SLC39A11: variants seen among roughly 807,000 people sequenced by gnomAD.
The protein encoded by SLC39A11 is solute carrier family 39 member 11, also known as zinc transporter ZIP11.
Under a neutral mutation model 36.1 loss-of-function variants are expected in SLC39A11, and 33 were observed. The ratio of observed to expected loss-of-function variants is 0.91; its 90% confidence interval spans 0.69 to 1.22. The LOEUF is 1.22. SLC39A11 is among the 50% of genes most tolerant of loss of function. The pLI is 0.00. For synonymous variants in SLC39A11, 166 were observed against 170.3 expected (o/e 0.97, Z 0.20); for missense variants, 432 against 430.3 (o/e 1.00, Z -0.03).
chr17:72,864,337 C>G (rs138714314), intron 5 of SLC39A11, among the ~76,000 whole-genome samples: 2 of 150,340 alleles, frequency 1.3e-5, no homozygotes, highest in Non-Finnish European at 3.0e-5. Context: ...CCTAGCAACC[C>G]GGGGAATTCT....
chr17:72,682,424 T>C (rs1345843117), intron 7 of SLC39A11, among the ~76,000 whole-genome samples: 2 of 151,988 alleles, frequency 1.3e-5, no homozygotes, highest in African/African-American at 2.4e-5. Flanking sequence ...ATGCTATTGG[T>C]AAGGCTTCTG....
At chr17:73,011,499 C>G (rs144687743) in intron 4 of SLC39A11, among the ~76,000 whole-genome samples, 51 of 152,122 alleles carry the variant, frequency 3.4e-4, no homozygotes, top group African/African-American at 1.2e-3. Flanking sequence ...TGATCTGGAG[C>G]GGGGAGACGA....
intron 6 of SLC39A11, among the ~76,000 whole-genome samples, chr17:72,764,244 G>T (rs1383147850): frequency 2.0e-5 from 3 of 152,106 alleles, no homozygotes; most frequent in Non-Finnish European, 4.4e-5. Flanking sequence ...CTGACCTTTG[G>T]GGAGGTGGGA....
rs757763992 is a variant in SLC39A11, at chr17:72,648,784, G to A, written c.929+19C>T. 2 of 1,614,042 alleles carry A rather than the reference G, an allele frequency of 1.2e-6. No individual in the cohort carries two copies. Among genetic ancestry groups the A allele is most frequent in the South Asian group, 2.2e-5 (2 of 91,072 alleles). Reference sequence around the variant, plus strand: ...CTGGGACTGGGACAGGGACAGACAGGGAGGGAAGGTTCTCCAACCTGATCT... The same window carrying A: ...CTGGGACTGGGACAGGGACAGACAGAGAGGGAAGGTTCTCCAACCTGATCT... On this transcript the variant is annotated intron_variant, in intron 9 of 9. Coordinates refer to ENST00000255559, the MANE Select transcript of SLC39A11 (RefSeq NM_139177.4).
rs2059349413 is a variant in SLC39A11 at position 73,047,903 on chromosome 17, G to A, written c.148-16189C>T. On this transcript the variant is annotated intron_variant, in intron 3 of 9. Transcript: ENST00000255559. ...GAATCGCTTGAACCCAGGAGGCAGA[G>A]GTTGCAGTGAGGCAAGATCGTGCCA... Among the ~76,000 whole-genome samples the A allele has an allele frequency of 2.1e-5, 3 of 141,106 alleles. No individual in the cohort carries two copies. In the South Asian group the frequency reaches 7.1e-4, roughly 34 times the overall value. The allele number at this position is 141,106 out of a possible 152,430, so 92.6% of individuals were successfully genotyped here.
intron 7 of SLC39A11, 82 bp downstream of exon 7, chr17:72,736,568 G>C: frequency 8.2e-7 from 1 of 1,225,460 alleles, no homozygotes; most frequent in Non-Finnish European, 1.2e-6. Flanking sequence ...ATAATGCACA[G>C]ACAGCCCACC....
At chr17:72,921,836 G>A (rs1434963945) in intron 5 of SLC39A11, among the ~76,000 whole-genome samples, 1 of 152,172 alleles carries the variant, frequency 6.6e-6, no homozygotes, top group Non-Finnish European at 1.5e-5. Context: ...GTTCCGCTAT[G>A]ACATGCCATT....
intron 7 of SLC39A11, among the ~76,000 whole-genome samples, chr17:72,694,182 C>T (rs1388449585): frequency 6.6e-6 from 1 of 152,178 alleles, no homozygotes; most frequent in African/African-American, 2.4e-5. Context: ...GTGGCCCGAG[C>T]CCTCTCTCAT....
chr17:72,768,434 T>C (rs1047814403), intron 6 of SLC39A11, among the ~76,000 whole-genome samples: 2 of 152,202 alleles, frequency 1.3e-5, no homozygotes, highest in Non-Finnish European at 2.9e-5. Flanking sequence ...ATTGTTGTCA[T>C]TTTTGCAAAG....
chr17:72,949,987 ACACACACACC>A (rs1488033133), intron 4 of SLC39A11, among the ~76,000 whole-genome samples: 1 of 111,672 alleles, frequency 9.0e-6, no homozygotes, highest in Non-Finnish European at 2.0e-5. Context: ...ACACACACAC[ACACACACACC>A]CCTTCTTGTT....
Position 72,910,623 on chromosome 17 carries a change from C to CAAAAAA in SLC39A11, c.430+37123_430+37128dup, listed in dbSNP as rs759842114. On this transcript the variant is annotated intron_variant, in intron 5 of 9. Coordinates refer to ENST00000255559, the MANE Select transcript of SLC39A11 (RefSeq NM_139177.4). ...TGGGCAACAGAGCAAGACTCCGTCT[C>CAAAAAA]AAAAAAAAAAAAAAAAAAAAAGGCT... Among the ~76,000 whole-genome samples, 41 of 49,982 alleles carry CAAAAAA rather than the reference C, an allele frequency of 8.2e-4. 1 individual carries two copies. The highest frequency in any genetic ancestry group is 1.7e-3 in the African/African-American group (18 of 10,460). The allele number at this position is 49,982 out of a possible 152,430, so 32.8% of individuals were successfully genotyped here. A position where few individuals can be genotyped will look rare whatever the true frequency, so the allele number is the denominator to read the frequency against.
chr17:73,033,186 G>A (rs921694264), intron 3 of SLC39A11, among the ~76,000 whole-genome samples: 3 of 152,178 alleles, frequency 2.0e-5, no homozygotes, highest in Non-Finnish European at 4.4e-5. Flanking sequence ...CGGAGCTCCC[G>A]CGGTAATCCT....
intron 4 of SLC39A11, among the ~76,000 whole-genome samples, chr17:73,018,041 A>G (rs1481947821): frequency 2.0e-5 from 3 of 152,206 alleles, no homozygotes; most frequent in African/African-American, 7.2e-5. Context: ...TTGAGACCCT[A>G]AAGATCCTCT....
At chr17:72,864,840 A>G (rs9908408) in intron 5 of SLC39A11, among the ~76,000 whole-genome samples, 91,084 of 152,022 alleles carry the variant, frequency 0.6, 30,121 homozygotes, top group African/African-American at 0.89. Context: ...TAAGTCTTGA[A>G]AAAGATACAA....
chr17:72,775,040 ACT>A (rs1414103742), intron 6 of SLC39A11, among the ~76,000 whole-genome samples: 1 of 151,142 alleles, frequency 6.6e-6, no homozygotes, highest in Non-Finnish European at 1.5e-5. Context: ...ACCAGCAGAA[ACT>A]CTCTGATTTG....
chr17:72,890,357 C>A (rs1038563000), intron 5 of SLC39A11, among the ~76,000 whole-genome samples: 4 of 150,888 alleles, frequency 2.7e-5, no homozygotes, highest in African/African-American at 9.7e-5. Context: ...CAAGTTATAA[C>A]TAGGGATTCA....
intron 5 of SLC39A11, among the ~76,000 whole-genome samples, chr17:72,870,821 C>A (rs1449309920): frequency 1.3e-5 from 2 of 152,198 alleles, no homozygotes; most frequent in Non-Finnish European, 2.9e-5. Flanking sequence ...TCTTCCCTGG[C>A]TGCCGCAATG....
At position 72,979,054 on chromosome 17, in the gene SLC39A11, C is replaced by G. The variant is rs181250024; in HGVS notation, c.307-31179G>C. The stretch of plus-strand genomic sequence containing the variant: ...TGAATTGTAAACCCCATAATCACCA[C>G]GTGTCAAGGGAGAGACCACGCGGAG... On this transcript the variant is annotated intron_variant, in intron 4 of 9. Transcript: ENST00000255559. Among the ~76,000 whole-genome samples the G allele has an allele frequency of 7.9e-5, 12 of 152,280 alleles. No individual in the cohort carries two copies. The East Asian group carries it at 2.3e-3, about 29-fold the overall frequency.
At chr17:72,951,825 G>A (rs1003060742) in intron 4 of SLC39A11, among the ~76,000 whole-genome samples, 3 of 152,144 alleles carry the variant, frequency 2.0e-5, no homozygotes. Context: ...GTCTTTGTGG[G>A]AAGATGGTAT....
Sources: allele counts gnomAD v4.1 joint callset (sites outside exome capture counted in the v4.1 genomes callset), GRCh38; gene constraint gnomAD v4.1.1; transcripts MANE v1.5; gene names NCBI Gene and HGNC (gene_info 2026-07-23, HGNC 2026-07-21).